Variants in FNBP1 observed in about 807,000 individuals in gnomAD.
FNBP1 encodes the protein formin-binding protein 1.
FNBP1 carries 26 observed loss-of-function variants against 90.6 expected under a neutral mutation model. The ratio of observed to expected loss-of-function variants is 0.29; its 90% confidence interval spans 0.21 to 0.40. FNBP1 has a LOEUF of 0.40. FNBP1 is among the 10% of genes least tolerant of loss of function. FNBP1 has a pLI of 1.00. For synonymous variants in FNBP1, 260 were observed against 265.2 expected (o/e 0.98, Z 0.19); for missense variants, 635 against 768.0 (o/e 0.83, Z 2.05).
intron 6 of FNBP1, among the ~76,000 whole-genome samples, chr9:129,951,884 C>T (rs937396860): frequency 2.0e-4 from 30 of 151,964 alleles, no homozygotes; most frequent in African/African-American, 6.8e-4. Context: ...TGAACAATAC[C>T]GTGAAAAGCA....
chr9:129,983,265 G>T (rs1016203812), intron 2 of FNBP1, among the ~76,000 whole-genome samples: 13 of 152,062 alleles, frequency 8.5e-5, no homozygotes, highest in African/African-American at 3.1e-4. Context: ...GTGATATACT[G>T]AAAAGACCAT....
At position 129,958,524 on chromosome 9, in the gene FNBP1, C is replaced by T. The variant is rs763028468; in HGVS notation, c.375G>A (p.Gln125=). The change falls in exon 5 of 17, where the codon CAG becomes CAA. Residue 125 remains glutamine, a synonymous_variant. Transcript: ENST00000446176. The part of the protein sequence containing the change: ...SNFHDGRKAQ[Q]HIETCWKQLE... ...GCTGCTTCCAGCAAGTCTCGATGTG[C>T]TGCTGTGCTTTACGGCCATCGTGAA... 6 of 1,599,198 alleles carry T rather than the reference C, an allele frequency of 3.8e-6. No homozygotes were observed. Among genetic ancestry groups the T allele is most frequent in the African/African-American group, 2.7e-5 (2 of 74,706 alleles).
the FNBP1 span, among the ~76,000 whole-genome samples, chr9:130,051,415 AAG>A: frequency 1.4e-4 from 22 of 152,332 alleles, no homozygotes; most frequent in African/African-American, 5.1e-4. Flanking sequence ...AATTACTTAA[AAG>A]AGTTCTGAAA....
At chr9:130,040,061 C>T (rs1217710600) in intron 1 of FNBP1, among the ~76,000 whole-genome samples, 1 of 152,128 alleles carries the variant, frequency 6.6e-6, no homozygotes, top group Non-Finnish European at 1.5e-5. Context: ...CAAGGAAAAC[C>T]CTTAATCACT....
chr9:129,984,017 A>C (rs181406426), intron 2 of FNBP1, among the ~76,000 whole-genome samples: 5 of 152,336 alleles, frequency 3.3e-5, no homozygotes, highest in Admixed American at 2.6e-4. Context: ...TGGTGGATTT[A>C]GACCTGGCTG....
intron 6 of FNBP1, among the ~76,000 whole-genome samples, chr9:129,930,233 G>A (rs1451562886): frequency 5.3e-5 from 8 of 151,698 alleles, no homozygotes; most frequent in African/African-American, 1.9e-4. Context: ...GCTAATTTTT[G>A]TATTTTTTTT....
chr9:129,984,815 A>G (rs1176452760), intron 2 of FNBP1, among the ~76,000 whole-genome samples: 3 of 151,966 alleles, frequency 2.0e-5, no homozygotes, highest in East Asian at 3.9e-4. Flanking sequence ...GGGGTTTCCG[A>G]TTTTGCTTCT....
At chr9:130,006,834 G>A (rs2055781490) in intron 1 of FNBP1, among the ~76,000 whole-genome samples, 1 of 152,108 alleles carries the variant, frequency 6.6e-6, no homozygotes, top group South Asian at 2.1e-4. Flanking sequence ...CTGAACACGA[G>A]ATAAGAATGT....
At chr9:129,927,533 G>C (rs1409058509) in intron 7 of FNBP1, among the ~76,000 whole-genome samples, 192 bp from the exon 8 acceptor site, 1 of 152,128 alleles carries the variant, frequency 6.6e-6, no homozygotes, top group African/African-American at 2.4e-5. Context: ...AGACATGTTA[G>C]GCTGCCCAAA....
At chr9:129,968,636 A>G (rs2048977543) in intron 4 of FNBP1, among the ~76,000 whole-genome samples, 1 of 152,184 alleles carries the variant, frequency 6.6e-6, no homozygotes, top group African/African-American at 2.4e-5. Flanking sequence ...CTAACTTTGA[A>G]AAGAATGTTA....
At chr9:129,953,605 C>T (rs549702028) in intron 6 of FNBP1, among the ~76,000 whole-genome samples, 1 of 151,806 alleles carries the variant, frequency 6.6e-6, no homozygotes, top group Non-Finnish European at 1.5e-5. Context: ...AGAGATTAAA[C>T]AGTAAAAGAA....
In FNBP1 at chr9:129,900,197, C is replaced by T. The variant is rs191146576; in HGVS notation, c.1551-96G>A. ...CGACTGGAGAGCACTTGCAACCCCG[C>T]CCCTCAGCGAGTGCTGTAACTGAGG... On this transcript the variant is annotated intron_variant, in intron 14 of 16. Coordinates refer to ENST00000446176, the MANE Select transcript of FNBP1 (RefSeq NM_015033.3). The surrounding 1 kb of genome is among the most constrained non-coding windows in gnomAD (Gnocchi z 4.1). 1.1e-3 allele frequency: 1,454 copies of T among 1,363,526 alleles called. 2 individuals are homozygous for T. Among genetic ancestry groups the T allele is most frequent in the Admixed American group, 1.4e-3 (48 of 35,246 alleles). The allele number at this position is 1,363,526 out of a possible 1,614,324, so 84.5% of individuals were successfully genotyped here. A position where few individuals can be genotyped will look rare whatever the true frequency, so the allele number is the denominator to read the frequency against.
intron 10 of FNBP1, among the ~76,000 whole-genome samples, chr9:129,921,844 GT>G (rs1477665172): frequency 6.6e-6 from 1 of 152,120 alleles, no homozygotes; most frequent in Non-Finnish European, 1.5e-5. Context: ...TTAATTAGTT[GT>G]AGTTTAGAAT....
At chr9:130,014,012 A>T in intron 1 of FNBP1, 1 of 456,710 alleles carries the variant, frequency 2.2e-6, no homozygotes, top group Non-Finnish European at 4.4e-6. Flanking sequence ...CACAAAATAG[A>T]CTAAGACAAA....
intron 10 of FNBP1, among the ~76,000 whole-genome samples, chr9:129,918,377 A>G (rs1199434364): frequency 1.3e-5 from 2 of 152,212 alleles, no homozygotes; most frequent in East Asian, 3.8e-4. Flanking sequence ...TGGCTAAAAT[A>G]ATAATTTTGA....
At chr9:129,924,896 G>C in intron 9 of FNBP1, 64 bp downstream of exon 9, 1 of 1,382,376 alleles carries the variant, frequency 7.2e-7, no homozygotes, top group Non-Finnish European at 9.9e-7. Flanking sequence ...GTTTTTCTAA[G>C]ACTAAAAGAT....
chr9:129,936,154 C>T (rs149161625), intron 6 of FNBP1, among the ~76,000 whole-genome samples: 1 of 152,204 alleles, frequency 6.6e-6, no homozygotes, highest in East Asian at 1.9e-4. Flanking sequence ...TTGGGGAAAG[C>T]CATGTGGAAT....
chr9:129,985,410 A>G (rs1029327177), intron 2 of FNBP1, among the ~76,000 whole-genome samples: 5 of 152,230 alleles, frequency 3.3e-5, no homozygotes, highest in African/African-American at 1.2e-4. Context: ...ATCATGAAAC[A>G]AGGAGAGTAA....
At chr9:130,040,578 G>A (rs958174634) in intron 1 of FNBP1, among the ~76,000 whole-genome samples, 3 of 146,390 alleles carry the variant, frequency 2.0e-5, no homozygotes, top group Non-Finnish European at 3.0e-5. Context: ...CCGAGATCAC[G>A]CCACTGCACG....
Sources: gnomAD v4.1 joint callset for allele counts (sites outside exome capture counted in the v4.1 genomes callset) on GRCh38, gnomAD v4.1.1 for gene constraint, Gnocchi (gnomAD v3.1) non-coding constraint, MANE v1.5 for transcripts, NCBI Gene and HGNC (gene_info 2026-07-23, HGNC 2026-07-21) for gene names.